The following TACR1 variants were observed in gnomAD, a reference collection of about 807,000 sequenced individuals.
TACR1 encodes tachykinin receptor 1, also known as substance-P receptor.
A neutral mutation model predicts 35.8 loss-of-function variants in TACR1; 25 were observed. That is an observed-to-expected ratio of 0.70 (90% confidence interval 0.51 to 0.98). The LOEUF is 0.98. TACR1 is among the 50% of genes least tolerant of loss of function. The probability of loss-of-function intolerance (pLI) is 0.00; values close to 1 mark genes in which losing one functional copy is unlikely to be tolerated. For synonymous variants in TACR1, 195 were observed against 206.7 expected, an observed-to-expected ratio of 0.94 and a Z score of 0.48; for missense variants, 478 against 522.9, an observed-to-expected ratio of 0.91 and a Z score of 0.84.
intron 2 of TACR1, among the ~76,000 whole-genome samples, chr2:75,072,148 G>T (rs560317533): frequency 6.6e-6 from 1 of 152,186 alleles, no homozygotes; most frequent in South Asian, 2.1e-4. Context: ...AGTTAGTTAG[G>T]GTCAGCTCAG....
chr2:75,183,569 G>A (rs1006620801), intron 1 of TACR1, among the ~76,000 whole-genome samples: 3 of 152,118 alleles, frequency 2.0e-5, no homozygotes, highest in African/African-American at 7.2e-5. Flanking sequence ...GTGTCTCCTG[G>A]GGAAACCGTG....
intron 2 of TACR1, among the ~76,000 whole-genome samples, chr2:75,098,359 A>G (rs533416738): frequency 6.6e-6 from 1 of 152,276 alleles, no homozygotes; most frequent in African/African-American, 2.4e-5. Flanking sequence ...ATTTTAGAAT[A>G]TAGAATATTC....
At chr2:75,107,150 A>C (rs934852471) in intron 2 of TACR1, among the ~76,000 whole-genome samples, 4 of 151,952 alleles carry the variant, frequency 2.6e-5, no homozygotes, top group African/African-American at 7.2e-5. Context: ...AAAGCACTAA[A>C]TAGAGATATA....
intron 1 of TACR1, among the ~76,000 whole-genome samples, chr2:75,152,562 A>AC (rs1674697915): frequency 6.6e-6 from 1 of 152,126 alleles, no homozygotes; most frequent in Admixed American, 6.5e-5. Flanking sequence ...AGTCTCAGTT[A>AC]TGTCTTTATC....
At chr2:75,074,787 G>A (rs1395140329) in intron 2 of TACR1, among the ~76,000 whole-genome samples, 1 of 152,096 alleles carries the variant, frequency 6.6e-6, no homozygotes, top group Non-Finnish European at 1.5e-5. Context: ...TGTGCATGAG[G>A]ATTAGGCTCT....
chr2:75,178,892 G>A (rs1675493166), intron 1 of TACR1, among the ~76,000 whole-genome samples: 1 of 152,140 alleles, frequency 6.6e-6, no homozygotes, highest in Non-Finnish European at 1.5e-5. Context: ...TAAATTTAGA[G>A]TTCGCCAGGG....
In TACR1 at chr2:75,049,637, C is replaced by G; in HGVS notation, c.1019G>C (p.Arg340Pro). The change falls in exon 5 of 5, where the codon CGG becomes CCG. Residue 340 changes from arginine (R) to proline (P), a missense_variant. By Grantham distance (103) the Arg-to-Pro change is moderately radical (BLOSUM62 -2). Transcript: ENST00000305249. ...CACACTGCCCTGGGTCTGGAGATAC[C>G]GGGTGGATTTCATTTCCAGCCCCTC... Reference protein sequence around the residue: ...DYEGLEMKSTRYLQTQGSVYK... With the variant: ...DYEGLEMKSTPYLQTQGSVYK... 6.2e-7 allele frequency: 1 copy of G among 1,614,104 alleles called. No homozygotes were observed. The highest frequency in any genetic ancestry group is 8.5e-7 in the Non-Finnish European group (1 of 1,180,026).
Position 75,061,581 on chromosome 2 carries a change from T to C in TACR1, c.585-7826A>G, listed in dbSNP as rs76063218. On this transcript the variant is annotated intron_variant, in intron 2 of 4. Coordinates refer to ENST00000305249, the MANE Select transcript of TACR1 (RefSeq NM_001058.4). Reference sequence around the variant, plus strand: ...CCTGGGTTATAGCGACACGAGTACATGTCCCATCTTTCTGCAGAGACAGGC... The same window carrying C: ...CCTGGGTTATAGCGACACGAGTACACGTCCCATCTTTCTGCAGAGACAGGC... Among the ~76,000 whole-genome samples the C allele has an allele frequency of 1.7e-3, 259 of 152,266 alleles. 2 individuals carry two copies. Among genetic ancestry groups the C allele is most frequent in the African/African-American group, 5.8e-3 (240 of 41,542 alleles).
chr2:75,121,621 A>C (rs1378633647), intron 1 of TACR1, among the ~76,000 whole-genome samples: 1 of 152,238 alleles, frequency 6.6e-6, no homozygotes, highest in Admixed American at 6.5e-5. Flanking sequence ...AGTATTTCAT[A>C]TCAGCCTTTC....
intron 1 of TACR1, among the ~76,000 whole-genome samples, chr2:75,160,749 A>G (rs1048410870): frequency 1.4e-5 from 2 of 145,256 alleles, no homozygotes; most frequent in African/African-American, 5.4e-5. Context: ...ACCAATTTGA[A>G]CAGAAGTAAT....
intron 2 of TACR1, among the ~76,000 whole-genome samples, chr2:75,067,922 G>A (rs1322785564): frequency 6.6e-6 from 1 of 152,180 alleles, no homozygotes; most frequent in African/African-American, 2.4e-5. Flanking sequence ...AGTCACTGAA[G>A]GGGTTAGGCA....
intron 2 of TACR1, among the ~76,000 whole-genome samples, chr2:75,105,526 G>T (rs1283191886): frequency 1.3e-5 from 2 of 151,940 alleles, no homozygotes; most frequent in Non-Finnish European, 2.9e-5. Context: ...GATCTTAAAT[G>T]TTCTCACCAT....
At chr2:75,149,190 G>A (rs1484592887) in intron 1 of TACR1, among the ~76,000 whole-genome samples, 2 of 152,082 alleles carry the variant, frequency 1.3e-5, no homozygotes, top group Non-Finnish European at 2.9e-5. Context: ...TTTGAAGTCA[G>A]GTAGCATGAT....
At chr2:75,123,463 T>C (rs1674011622) in intron 1 of TACR1, among the ~76,000 whole-genome samples, 1 of 152,174 alleles carries the variant, frequency 6.6e-6, no homozygotes, top group South Asian at 2.1e-4. Context: ...GTATTGGCAC[T>C]GTAACTCCAA....
intron 4 of TACR1, among the ~76,000 whole-genome samples, chr2:75,050,134 G>A (rs1672438695): frequency 6.6e-6 from 1 of 152,058 alleles, no homozygotes; most frequent in Non-Finnish European, 1.5e-5. Context: ...TTCCCCTCGA[G>A]TAGCCTGTTA....
chr2:75,131,421 A>G (rs1430326484), intron 1 of TACR1, among the ~76,000 whole-genome samples: 1 of 152,148 alleles, frequency 6.6e-6, no homozygotes, highest in East Asian at 1.9e-4. Flanking sequence ...AATTCAACTC[A>G]TAGATTCAAA....
chr2:75,193,068 T>C (rs1675888727), intron 1 of TACR1, among the ~76,000 whole-genome samples: 1 of 152,094 alleles, frequency 6.6e-6, no homozygotes, highest in Non-Finnish European at 1.5e-5. Flanking sequence ...TTCTCTTTTC[T>C]CTCCCCTCCA....
At chr2:75,098,363 A>G (rs920599595) in intron 2 of TACR1, among the ~76,000 whole-genome samples, 1 of 152,172 alleles carries the variant, frequency 6.6e-6, no homozygotes, top group Non-Finnish European at 1.5e-5. Flanking sequence ...TAGAATATAG[A>G]ATATTCTAAT....
chr2:75,115,330 T>G (rs1396425820), intron 2 of TACR1, among the ~76,000 whole-genome samples: 1 of 152,272 alleles, frequency 6.6e-6, no homozygotes, highest in East Asian at 1.9e-4. Context: ...ATCTAAAAGC[T>G]TGATGATATA....
Sources: allele counts gnomAD v4.1 joint callset (sites outside exome capture counted in the v4.1 genomes callset), GRCh38; gene constraint gnomAD v4.1.1; transcripts MANE v1.5; gene names NCBI Gene and HGNC (gene_info 2026-07-23, HGNC 2026-07-21).